The following BICRA variants were observed in gnomAD, a reference collection of about 807,000 sequenced individuals.
BICRA encodes BRD4 interacting chromatin remodeling complex associated protein.
A neutral mutation model predicts 96.9 loss-of-function variants in BICRA; 31 were observed. That is an observed-to-expected ratio of 0.32 (90% CI 0.24 to 0.43). The LOEUF is 0.43. Ranked by LOEUF, BICRA falls within the 20% of genes least tolerant of loss-of-function variation. BICRA has a pLI of 1.00. For synonymous variants in BICRA, 1,350 were observed against 1,071.8 expected (o/e 1.26, Z -5.07); for missense variants, 2,283 against 2,190.3 (o/e 1.04, Z -0.84).
intron 1 of BICRA, among the ~76,000 whole-genome samples, chr19:47,613,437 T>C (rs2913996): frequency 0.73 from 110,648 of 152,054 alleles, 40,393 homozygotes; most frequent in Middle Eastern, 0.82. Context: ...GCCATTTCCC[T>C]TCTCCCGCCC....
At chr19:47,624,922 G>A (rs191008855) in intron 1 of BICRA, among the ~76,000 whole-genome samples, 127 of 150,186 alleles carry the variant, frequency 8.5e-4, no homozygotes, top group African/African-American at 2.9e-3. Flanking sequence ...TTGAACTCCC[G>A]GGCTCAAGTG....
At chr19:47,608,981 C>T (rs1245222989), upstream of BICRA, 6 of 143,752 alleles carry the variant, frequency 4.2e-5, no homozygotes, top group South Asian at 1.8e-4. Context: ...GGAACGGGCG[C>T]GGGCCCGGGG....
chr19:47,632,337 G>T (rs1972233210), intron 1 of BICRA, among the ~76,000 whole-genome samples: 1 of 152,244 alleles, frequency 6.6e-6, no homozygotes, highest in Admixed American at 6.5e-5. Context: ...CCAGGCCTGT[G>T]CCGGACTCTG....
chr19:47,627,114 C>G (rs1972153120), intron 1 of BICRA, among the ~76,000 whole-genome samples: 1 of 152,210 alleles, frequency 6.6e-6, no homozygotes, highest in Non-Finnish European at 1.5e-5. Context: ...GCCCCAAGAG[C>G]CAGCCTGGGT....
intron 1 of BICRA, among the ~76,000 whole-genome samples, chr19:47,642,998 A>G (rs1178786844): frequency 3.3e-5 from 5 of 152,212 alleles, no homozygotes; most frequent in African/African-American, 1.2e-4. Flanking sequence ...CTCTTTTGAG[A>G]CGGAGTCTCG....
intron 1 of BICRA, among the ~76,000 whole-genome samples, chr19:47,639,801 C>T (rs745436588): frequency 2.6e-5 from 4 of 151,786 alleles, no homozygotes; most frequent in Middle Eastern, 6.8e-3. Context: ...CACCACCACG[C>T]CCACCTAATT....
intron 1 of BICRA, among the ~76,000 whole-genome samples, chr19:47,664,501 C>T (rs1377464104): frequency 6.6e-6 from 1 of 152,146 alleles, no homozygotes; most frequent in Non-Finnish European, 1.5e-5. Context: ...TCCCATGGTG[C>T]GATCTGGGGC....
rs758967654 is a variant in BICRA, at chr19:47,702,337, G to T, written c.4605G>T (p.Pro1535=). ...HAASAGTPAS[P]PPLHRPEAYP... ...CCTCGGCCGGCACCCCCGCATCCCC[G>T]CCGCCCCTGCACAGGCCCGAGGCCT... Residue 1535 remains proline, a synonymous_variant, in exon 15 of 15, where the codon CCG becomes CCT. Transcript: ENST00000594866. 3 of 1,538,108 alleles carry T rather than the reference G, an allele frequency of 2.0e-6. No homozygotes were observed. Among genetic ancestry groups the T allele is most frequent in the South Asian group, 2.4e-5 (2 of 84,040 alleles).
intron 1 of BICRA, among the ~76,000 whole-genome samples, chr19:47,669,537 T>C (rs891418412): frequency 1.3e-5 from 2 of 152,156 alleles, no homozygotes; most frequent in Non-Finnish European, 2.9e-5. Flanking sequence ...TGTGTATACA[T>C]AGTATATAAC....
At chr19:47,640,654 G>C (rs12978860) in intron 1 of BICRA, among the ~76,000 whole-genome samples, 1 of 152,258 alleles carries the variant, frequency 6.6e-6, no homozygotes, top group Non-Finnish European at 1.5e-5. Context: ...TGGGGGCAGA[G>C]AGGGCTGGCG....
At chr19:47,656,120 A>C (rs978054229) in intron 1 of BICRA, among the ~76,000 whole-genome samples, 5 of 67,018 alleles carry the variant, frequency 7.5e-5, no homozygotes, top group Admixed American at 3.4e-4. Flanking sequence ...ACTCTGAATA[A>C]ATAAGTAAAT....
At chr19:47,648,200 C>T (rs1379157484) in intron 1 of BICRA, among the ~76,000 whole-genome samples, 1 of 151,536 alleles carries the variant, frequency 6.6e-6, no homozygotes, top group East Asian at 2.0e-4. Flanking sequence ...ATAGATTGGG[C>T]GTCTCTGAGC....
At position 47,702,001 on chromosome 19, in the gene BICRA, G is replaced by C. The variant is rs748641931; in HGVS notation, c.4269G>C (p.Glu1423Asp). 790 of 1,485,596 alleles carry C rather than the reference G, an allele frequency of 5.3e-4. No individual in the cohort carries two copies. The highest frequency in any genetic ancestry group is 6.7e-4 in the Non-Finnish European group (750 of 1,126,978). The allele number at this position is 1,485,596 out of a possible 1,614,324, so 92.0% of individuals were successfully genotyped here. Residue 1423 changes from glutamate (E) to aspartate (D), a missense_variant, in exon 15 of 15, where the codon GAG (glutamate) becomes GAC (aspartate). Glu to Asp is a conservative substitution (Grantham distance 45). Transcript: ENST00000594866. ...SPAPLPAKVD[E>D]ATSGLIRELA... ...CGCCGCTGCCCGCCAAAGTGGACGAGGCCACCAGCGGGCTCATCCGCGAGC... is the reference window on the plus strand; with the variant it reads ...CGCCGCTGCCCGCCAAAGTGGACGACGCCACCAGCGGGCTCATCCGCGAGC...
At chr19:47,685,784 T>TGTGTGTGC (rs1555790113) in intron 7 of BICRA, among the ~76,000 whole-genome samples, 1 of 115,492 alleles carries the variant, frequency 8.7e-6, no homozygotes, top group African/African-American at 4.1e-5. Context: ...TGTGTGTGTG[T>TGTGTGTGC]GTGCGCGCGC....
At chr19:47,620,392 C>A (rs1053170170) in intron 1 of BICRA, among the ~76,000 whole-genome samples, 1 of 151,904 alleles carries the variant, frequency 6.6e-6, no homozygotes, top group African/African-American at 2.4e-5. Flanking sequence ...CTGGCCAGGG[C>A]GCAGTGGCTC....
intron 1 of BICRA, among the ~76,000 whole-genome samples, chr19:47,618,848 G>A (rs1194929055): frequency 2.0e-5 from 3 of 152,224 alleles, no homozygotes; most frequent in African/African-American, 2.4e-5. Flanking sequence ...AGTGTCCAGG[G>A]ACACCTGCAG....
In BICRA at chr19:47,681,201, C is replaced by A. The variant is rs755670052; in HGVS notation, c.2031C>A (p.Ile677=). Reference sequence around the variant, plus strand: ...GCCTGGCGTCTAGCCCGGAGAAGATCGTCCTGGGGCAGCCGCCCTCTGCCA... The same window carrying A: ...GCCTGGCGTCTAGCCCGGAGAAGATAGTCCTGGGGCAGCCGCCCTCTGCCA... The part of the protein sequence containing the change: ...SPGLASSPEK[I]VLGQPPSATP... The change falls in exon 6 of 15, where the codon ATC becomes ATA. Residue 677 remains isoleucine (I), a synonymous_variant. Transcript: ENST00000594866. 1 of 1,533,224 alleles carries A rather than the reference C, an allele frequency of 6.5e-7. No individual in the cohort carries two copies. The highest frequency in any genetic ancestry group is 8.7e-7 in the Non-Finnish European group (1 of 1,144,324). 95.0% of individuals were successfully genotyped at this position (1,533,224 alleles called of 1,614,324 possible).
Position 47,679,973 on chromosome 19 carries a change from GC to G in BICRA, c.807del (p.Ser270ArgfsTer4). ...AGCGGCTACCTGGCCTCGGCGGCTGGCCCCTCGGAGCCCGTGACGCTGGCGT... is the reference window on the plus strand; with the variant it reads ...AGCGGCTACCTGGCCTCGGCGGCTGGCCCTCGGAGCCCGTGACGCTGGCGT... ...PVSGYLASAA[G>X]PSEPVTLASA... On this transcript the variant is annotated frameshift_variant, in exon 6 of 15. Coordinates refer to ENST00000594866, the MANE Select transcript of BICRA (RefSeq NM_001394372.1). LOFTEE classifies it high-confidence loss of function. The G allele has an allele frequency of 6.8e-7, 1 of 1,478,220 alleles. No homozygotes were observed. The allele number at this position is 1,478,220 out of a possible 1,614,324, so 91.6% of individuals were successfully genotyped here.
chr19:47,614,086 C>T (rs1012876929), intron 1 of BICRA, among the ~76,000 whole-genome samples: 6 of 151,758 alleles, frequency 4.0e-5, no homozygotes, highest in Non-Finnish European at 7.4e-5. Flanking sequence ...TTGGATTAGC[C>T]GCTGTGGGGT....
Sources: allele counts gnomAD v4.1 joint callset (sites outside exome capture counted in the v4.1 genomes callset), GRCh38; gene constraint gnomAD v4.1.1; transcripts MANE v1.5; gene names NCBI Gene and HGNC (gene_info 2026-07-23, HGNC 2026-07-21).